The following SSH2 variants were observed in gnomAD, a reference collection of about 807,000 sequenced individuals.
SSH2 encodes protein phosphatase Slingshot homolog 2.
SSH2 carries 37 observed loss-of-function variants against 135.2 expected under a neutral mutation model. The observed-to-expected ratio is 0.27, with a 90% CI of 0.21 to 0.36. SSH2 has a LOEUF of 0.36. SSH2 is among the 10% of genes least tolerant of loss of function. The pLI is 1.00. For synonymous variants in SSH2, 628 were observed against 646.2 expected (o/e 0.97, Z 0.43); for missense variants, 1,408 against 1,765.3 (o/e 0.80, Z 3.63).
At chr17:29,692,172 A>G (rs1030009233) in intron 5 of SSH2, among the ~76,000 whole-genome samples, 1 of 151,864 alleles carries the variant, frequency 6.6e-6, no homozygotes, top group Non-Finnish European at 1.5e-5. Flanking sequence ...AAAATAAAAA[A>G]AAAAAAACAA....
intron 3 of SSH2, among the ~76,000 whole-genome samples, chr17:29,770,476 C>CT (rs766027039): frequency 1.5e-3 from 213 of 139,946 alleles, no homozygotes; most frequent in East Asian, 6.9e-3. Context: ...AATTAAGTCA[C>CT]TTTTTTTTTT....
chr17:29,893,781 G>A (rs979592525), intron 1 of SSH2, among the ~76,000 whole-genome samples: 16 of 152,172 alleles, frequency 1.1e-4, no homozygotes, highest in South Asian at 4.2e-4. Context: ...GAGGTGTATT[G>A]TGACTCTACA....
intron 12 of SSH2, among the ~76,000 whole-genome samples, chr17:29,654,952 T>C (rs761126204): frequency 2.5e-4 from 38 of 152,216 alleles, no homozygotes; most frequent in Non-Finnish European, 4.1e-4. Context: ...CTGTGAACCC[T>C]ACATATGCAA....
At chr17:29,709,015 T>TATATATATATATATATAGAGAGAGAG (rs780981175) in intron 3 of SSH2, among the ~76,000 whole-genome samples, 3 of 81,590 alleles carry the variant, frequency 3.7e-5, no homozygotes, top group African/African-American at 1.2e-4. Context: ...TATATATATA[T>TATATATATATATATATAGAGAGAGAG]AGAGAGAGAG....
intron 1 of SSH2, among the ~76,000 whole-genome samples, chr17:29,874,430 C>T (rs1020625093): frequency 2.0e-5 from 3 of 152,078 alleles, no homozygotes; most frequent in Non-Finnish European, 2.9e-5. Context: ...AATTGTACTC[C>T]CTATAACCCC....
intron 3 of SSH2, chr17:29,707,145 T>G (rs2039238915): frequency 1.6e-5 from 2 of 123,426 alleles, no homozygotes; most frequent in South Asian, 2.8e-4. Context: ...AGAGCGACAC[T>G]CCGCCTCAAA....
chr17:29,768,084 C>T (rs1300191636), intron 3 of SSH2, among the ~76,000 whole-genome samples: 1 of 151,974 alleles, frequency 6.6e-6, no homozygotes, highest in East Asian at 1.9e-4. Flanking sequence ...ACTCCATGAT[C>T]TATTAAATTA....
intron 1 of SSH2, among the ~76,000 whole-genome samples, chr17:29,855,142 C>CT (rs1404050986): frequency 6.8e-6 from 1 of 147,730 alleles, no homozygotes; most frequent in South Asian, 2.1e-4. Flanking sequence ...TTTTTTGTAT[C>CT]TTTTTTTGTG....
At chr17:29,723,597 G>A (rs982736764) in intron 3 of SSH2, among the ~76,000 whole-genome samples, 30 of 152,022 alleles carry the variant, frequency 2.0e-4, no homozygotes, top group African/African-American at 7.0e-4. Flanking sequence ...GGCAGGAATG[G>A]AAATGGCCCT....
chr17:29,652,224 C>G (rs534444016), intron 12 of SSH2, among the ~76,000 whole-genome samples: 1 of 152,136 alleles, frequency 6.6e-6, no homozygotes, highest in African/African-American at 2.4e-5. Context: ...ACCACAGGAC[C>G]CAGCAATTCC....
intron 1 of SSH2, chr17:29,883,085 A>G (rs914890615): frequency 2.0e-5 from 3 of 152,114 alleles, no homozygotes; most frequent in Admixed American, 6.5e-5. Context: ...CCTTGTTACA[A>G]TATCAGCACA....
intron 1 of SSH2, among the ~76,000 whole-genome samples, chr17:29,927,309 C>T (rs1025400964): frequency 6.6e-6 from 1 of 152,130 alleles, no homozygotes; most frequent in South Asian, 2.1e-4. Context: ...TTTGTTCTTC[C>T]TCCAATGCCC....
chr17:29,785,482 T>G (rs926521961), intron 3 of SSH2, among the ~76,000 whole-genome samples: 4 of 149,476 alleles, frequency 2.7e-5, no homozygotes, highest in African/African-American at 7.4e-5. Context: ...GTTTGAATAT[T>G]GGCGTTTCAT....
In SSH2 at chr17:29,755,828, AT is replaced by A. The variant is rs538180724; in HGVS notation, c.188+38065del. ...AGGCACCCGCCACCGCACCCGGCTA[AT>A]TTTTTGTGTTTTTAGTAGAGACGGG... On this transcript the variant is annotated intron_variant, in intron 3 of 15. Transcript: ENST00000540801. Among the ~76,000 whole-genome samples, 6 of 150,968 alleles carry A rather than the reference AT, an allele frequency of 4.0e-5. No homozygotes were observed. The South Asian group carries it at 1.0e-3, about 26-fold the overall frequency.
chr17:29,667,629 C>T (rs2151034924), intron 9 of SSH2, among the ~76,000 whole-genome samples: 1 of 152,332 alleles, frequency 6.6e-6, no homozygotes, highest in African/African-American at 2.4e-5. Flanking sequence ...CACTCCACTG[C>T]TCCGTCTGTG....
intron 1 of SSH2, among the ~76,000 whole-genome samples, chr17:29,913,357 TATATATATA>T (rs2066817993): frequency 4.0e-5 from 2 of 50,608 alleles, no homozygotes; most frequent in Non-Finnish European, 7.6e-5. Flanking sequence ...AATATATATA[TATATATATA>T]TATATATATA....
chr17:29,721,235 G>C (rs541076530), intron 3 of SSH2, among the ~76,000 whole-genome samples: 1 of 152,258 alleles, frequency 6.6e-6, no homozygotes, highest in East Asian at 1.9e-4. Flanking sequence ...AATGATCCAA[G>C]AGTAAATTTA....
intron 3 of SSH2, among the ~76,000 whole-genome samples, chr17:29,705,483 C>T (rs2039161310): frequency 6.6e-6 from 1 of 152,176 alleles, no homozygotes. Flanking sequence ...CTTAACAGGT[C>T]TATCTGCAAC....
chr17:29,778,307 T>TG lies in SSH2; in HGVS notation c.188+15586_188+15587insC, dbSNP rs1275264340. On this transcript the variant is annotated intron_variant, in intron 3 of 15. Transcript: ENST00000540801. ...CTGAAAGGAAAGTATCATGCTCTCT[T>TG]TTCTCCAAGATGCAATCTGTAAGAA... 2.0e-5 allele frequency among the ~76,000 whole-genome samples: 3 copies of TG among 152,158 alleles called. No individual in the cohort carries two copies. In the East Asian group the frequency reaches 5.8e-4, roughly 29 times the overall value.
Sources: gnomAD v4.1 joint callset for allele counts (sites outside exome capture counted in the v4.1 genomes callset) on GRCh38, gnomAD v4.1.1 for gene constraint, MANE v1.5 for transcripts, NCBI Gene and HGNC (gene_info 2026-07-23, HGNC 2026-07-21) for gene names.